The following HECW1 variants were observed in gnomAD, a reference collection of about 807,000 sequenced individuals.
The protein encoded by HECW1 is HECT, C2 and WW domain containing E3 ubiquitin protein ligase 1, also known as E3 ubiquitin-protein ligase HECW1.
A neutral mutation model predicts 182.3 loss-of-function variants in HECW1; 61 were observed. The ratio of observed to expected loss-of-function variants is 0.33; its 90% CI spans 0.27 to 0.41. The LOEUF (loss-of-function observed/expected upper bound fraction) is 0.41. Among genes scored for constraint, HECW1 ranks in the 10% least tolerant of loss-of-function variants. The pLI, the probability that HECW1 is intolerant of heterozygous loss-of-function variation, is 1.00. For synonymous variants in HECW1, 859 were observed against 832.6 expected (o/e 1.03, Z -0.55); for missense variants, 1,739 against 2,108.9 (o/e 0.82, Z 3.44).
intron 2 of HECW1, among the ~76,000 whole-genome samples, chr7:43,182,925 A>AT (rs66739601): frequency 6.1e-4 from 93 of 151,658 alleles, no homozygotes; most frequent in East Asian, 1.5e-3. Flanking sequence ...CTAGAAATAG[A>AT]TTTTTTTTTG....
chr7:43,392,446 C>A (rs553328925), intron 6 of HECW1, among the ~76,000 whole-genome samples: 1 of 152,184 alleles, frequency 6.6e-6, no homozygotes, highest in African/African-American at 2.4e-5. Context: ...GAAAGTTCTT[C>A]GAAATCTCCT....
intron 18 of HECW1, 148 bp from the exon 19 acceptor site, chr7:43,492,936 C>A (rs1318869120): frequency 5.4e-6 from 3 of 556,612 alleles, no homozygotes; most frequent in Non-Finnish European, 9.5e-6. Context: ...TTTAAAAACT[C>A]TCAAGAGCTT....
chr7:43,318,486 CCAGT>C (rs1809627520), intron 4 of HECW1, among the ~76,000 whole-genome samples: 1 of 152,096 alleles, frequency 6.6e-6, no homozygotes, highest in Non-Finnish European at 1.5e-5. Flanking sequence ...GTTCATTTGC[CCAGT>C]CATTTTTTTG....
At chr7:43,165,787 C>G (rs1358534454) in intron 2 of HECW1, among the ~76,000 whole-genome samples, 4 of 152,246 alleles carry the variant, frequency 2.6e-5, no homozygotes, top group Admixed American at 6.5e-5. Context: ...TGCTGTGTCT[C>G]CAGCAGAAAT....
rs557105452 is a variant in HECW1, at chr7:43,326,611, A to G, written c.460+5869A>G. Among the ~76,000 whole-genome samples, 30 of 152,328 alleles carry G rather than the reference A, an allele frequency of 2.0e-4. No individual in the cohort carries two copies. The South Asian group carries it at 6.2e-3, about 32-fold the overall frequency. ...CCCCTGCCATAATTAGAGGGCTGTGAATTAGGAATTACAGGTGTCACTCTG... is the reference window on the plus strand; with the variant it reads ...CCCCTGCCATAATTAGAGGGCTGTGGATTAGGAATTACAGGTGTCACTCTG... On this transcript the variant is annotated intron_variant, in intron 5 of 29. Coordinates refer to ENST00000395891, the MANE Select transcript of HECW1 (RefSeq NM_015052.5).
At chr7:43,362,896 T>C (rs1260853339) in intron 6 of HECW1, among the ~76,000 whole-genome samples, 1 of 152,252 alleles carries the variant, frequency 6.6e-6, no homozygotes, top group East Asian at 1.9e-4. Context: ...TGCCCACTGA[T>C]GGGACTGGCC....
At chr7:43,280,773 A>G (rs1325035010) in intron 3 of HECW1, among the ~76,000 whole-genome samples, 1 of 152,104 alleles carries the variant, frequency 6.6e-6, no homozygotes, top group Non-Finnish European at 1.5e-5. Flanking sequence ...AGAAAAGAAC[A>G]CTTTGAGACA....
rs145600568 is a variant in HECW1 at position 43,315,587 on chromosome 7, A to G, written c.352+3500A>G. Among the ~76,000 whole-genome samples, 481 of 152,080 alleles carry G rather than the reference A, an allele frequency of 3.2e-3. 14 individuals are homozygous for G. The East Asian group carries it at 0.087, about 27-fold the overall frequency. ...CAGCTCACTGCAACCTCCGCCTCCC[A>G]GGTTCAAGCGATTCTCCTGATTCAG... On this transcript the variant is annotated intron_variant, in intron 4 of 29. Transcript: ENST00000395891.
intron 11 of HECW1, among the ~76,000 whole-genome samples, chr7:43,448,310 A>G (rs1273921162): frequency 6.6e-6 from 1 of 152,244 alleles, no homozygotes; most frequent in African/African-American, 2.4e-5. Flanking sequence ...ATTTCCCTCT[A>G]TAAATACCTC....
chr7:43,392,446 C>T (rs553328925), intron 6 of HECW1, among the ~76,000 whole-genome samples: 3 of 152,302 alleles, frequency 2.0e-5, no homozygotes, highest in East Asian at 3.9e-4. Context: ...GAAAGTTCTT[C>T]GAAATCTCCT....
intron 8 of HECW1, among the ~76,000 whole-genome samples, chr7:43,433,516 C>G (rs1474188524): frequency 6.6e-6 from 1 of 152,202 alleles, no homozygotes; most frequent in Non-Finnish European, 1.5e-5. Flanking sequence ...AGCATCCCAA[C>G]ATCTGCGCTT....
chr7:43,179,554 T>TTTGATGTTG (rs1554299834), intron 2 of HECW1, among the ~76,000 whole-genome samples: 1 of 148,106 alleles, frequency 6.8e-6, no homozygotes, highest in African/African-American at 2.5e-5. Flanking sequence ...ATTTGCTAAG[T>TTTGATGTTG]TTGTTGTTGT....
chr7:43,383,659 G>A (rs1409737902), intron 6 of HECW1, among the ~76,000 whole-genome samples: 1 of 152,114 alleles, frequency 6.6e-6, no homozygotes, highest in Admixed American at 6.5e-5. Context: ...CAAGTTCCTT[G>A]TAGATTCTGG....
chr7:43,126,288 C>G (rs1256686501), intron 2 of HECW1, among the ~76,000 whole-genome samples: 3 of 152,064 alleles, frequency 2.0e-5, no homozygotes, highest in African/African-American at 7.2e-5. Flanking sequence ...CCTCTCTTTA[C>G]TTGATTTTTG....
At chr7:43,543,600 G>A (rs1225596676) in intron 26 of HECW1, among the ~76,000 whole-genome samples, 2 of 151,912 alleles carry the variant, frequency 1.3e-5, no homozygotes, top group Admixed American at 6.6e-5. Flanking sequence ...CCAACATGGT[G>A]AAACCCCGTC....
intron 6 of HECW1, among the ~76,000 whole-genome samples, chr7:43,366,008 C>T (rs756234892): frequency 1.4e-4 from 22 of 151,876 alleles, no homozygotes; most frequent in Non-Finnish European, 2.9e-4. Context: ...GAGGCTGAGG[C>T]ACAAGAATCA....
Position 43,336,124 on chromosome 7 carries a change from T to TCTCTCTCTCTCTC in HECW1, c.460+15382_460+15383insCTCTCTCTCTCTC, listed in dbSNP as rs1812181848. On this transcript the variant is annotated intron_variant, in intron 5 of 29. Coordinates refer to ENST00000395891, the MANE Select transcript of HECW1 (RefSeq NM_015052.5). ...CTTTCTTCTTTCTTTCTTTCTTTCT[T>TCTCTCTCTCTCTC]TCTCTCTCTCTCTCTCTCTTTCTCT... is the stretch of plus-strand genomic sequence containing the variant. Among the ~76,000 whole-genome samples, 36 of 64,294 alleles carry TCTCTCTCTCTCTC rather than the reference T, an allele frequency of 5.6e-4. 1 individual carries two copies. Among genetic ancestry groups the TCTCTCTCTCTCTC allele is most frequent in the African/African-American group, 2.5e-3 (34 of 13,782 alleles). 42.2% of individuals were successfully genotyped at this position (64,294 alleles called of 152,430 possible).
intron 5 of HECW1, among the ~76,000 whole-genome samples, chr7:43,331,889 G>A (rs1811542845): frequency 1.3e-5 from 2 of 152,170 alleles, no homozygotes; most frequent in Admixed American, 6.5e-5. Flanking sequence ...AGAGATATGG[G>A]ACATTGAAGG....
At chr7:43,473,928 G>A (rs986469302) in intron 16 of HECW1, among the ~76,000 whole-genome samples, 1 of 152,064 alleles carries the variant, frequency 6.6e-6, no homozygotes. Context: ...AAAAAGTAAA[G>A]CCAAGCATAA....
Sources: allele counts gnomAD v4.1 joint callset (sites outside exome capture counted in the v4.1 genomes callset), GRCh38; gene constraint gnomAD v4.1.1; transcripts MANE v1.5; gene names NCBI Gene and HGNC (gene_info 2026-07-23, HGNC 2026-07-21).